MTMR14: variants seen among roughly 807,000 people sequenced by gnomAD.
MTMR14 encodes the protein phosphatidylinositol-3,5-bisphosphate 3-phosphatase MTMR14.
MTMR14 carries 48 observed loss-of-function variants against 86.3 expected under a neutral mutation model. The ratio of observed to expected loss-of-function variants is 0.56; its 90% confidence interval spans 0.44 to 0.71. The LOEUF is 0.71. MTMR14 is among the 30% of genes least tolerant of loss of function. The probability of loss-of-function intolerance (pLI) is 0.00; values close to 1 mark genes in which losing one functional copy is unlikely to be tolerated. For synonymous variants in MTMR14, 366 were observed against 326.1 expected (o/e 1.12, Z -1.32); for missense variants, 780 against 834.6 (o/e 0.93, Z 0.81).
intron 16 of MTMR14, 25 bp from the exon 17 acceptor site, chr3:9,689,939 C>G: frequency 6.2e-7 from 1 of 1,601,020 alleles, no homozygotes. Flanking sequence ...GCCCCCGGCT[C>G]ACAGCCCTGC....
At chr3:9,697,943 A>G in intron 18 of MTMR14, 77 bp downstream of exon 18, 1 of 1,596,394 alleles carries the variant, frequency 6.3e-7, no homozygotes, top group Admixed American at 1.7e-5. Flanking sequence ...AGTGCTGGGT[A>G]GGAATGAGGC....
At chr3:9,663,879 C>T (rs2048097411) in intron 3 of MTMR14, among the ~76,000 whole-genome samples, 1 of 151,090 alleles carries the variant, frequency 6.6e-6, no homozygotes, top group Admixed American at 6.6e-5. Context: ...ACCTCCACCT[C>T]CCGGGTTCAA....
chr3:9,656,875 T>A (rs575585180), intron 2 of MTMR14, among the ~76,000 whole-genome samples: 4 of 152,182 alleles, frequency 2.6e-5, no homozygotes, highest in Non-Finnish European at 5.9e-5. Context: ...CTCTGTGCCC[T>A]GATGATGACA....
intron 16 of MTMR14, among the ~76,000 whole-genome samples, 169 bp downstream of exon 16, chr3:9,689,251 G>C (rs941987493): frequency 6.6e-6 from 1 of 152,248 alleles, no homozygotes. Context: ...CAGCCATCTG[G>C]TTGGTGAAGG....
chr3:9,659,550 TCTC>T (rs2047800710), intron 2 of MTMR14: 3 of 362,810 alleles, frequency 8.3e-6, no homozygotes, highest in African/African-American at 2.1e-5. Context: ...TTCAAGCAAT[TCTC>T]CTGCCTCAGC....
intron 9 of MTMR14, among the ~76,000 whole-genome samples, chr3:9,681,214 C>T (rs2075757834): frequency 6.6e-6 from 1 of 152,180 alleles, no homozygotes; most frequent in Non-Finnish European, 1.5e-5. Context: ...GCAGTTGTGG[C>T]AGGACACATG....
intron 1 of MTMR14, among the ~76,000 whole-genome samples, chr3:9,651,323 A>G (rs932673332): frequency 1.3e-5 from 2 of 150,308 alleles, no homozygotes; most frequent in Non-Finnish European, 3.0e-5. Flanking sequence ...GGCTGGTCTC[A>G]AACTCCTAAG....
intron 12 of MTMR14, 39 bp from the exon 13 acceptor site, chr3:9,685,172 G>C (rs1252725941): frequency 6.2e-7 from 1 of 1,613,868 alleles, no homozygotes; most frequent in African/African-American, 1.3e-5. Context: ...TTGTCATCTT[G>C]GTGCTGCTGA....
chr3:9,653,691 C>A lies in MTMR14; in HGVS notation c.230C>A (p.Thr77Lys). The A allele has an allele frequency of 6.2e-7, 1 of 1,614,146 alleles. No individual in the cohort carries two copies. The highest frequency in any genetic ancestry group is 8.5e-7 in the Non-Finnish European group (1 of 1,180,042). The part of the protein sequence containing the change: ...RDYCFSVIPN[T>K]NGDICGHYPR... ...TACTGTTTCAGCGTGATTCCAAACA[C>A]GAATGGGGATATCTGTGGCCACTAT... Residue 77 changes from threonine to lysine, a missense_variant, in exon 2 of 19, where the codon ACG (threonine) becomes AAG (lysine). Transcript: ENST00000296003.
At chr3:9,693,700 C>T (rs2076202929) in intron 17 of MTMR14, among the ~76,000 whole-genome samples, 1 of 152,118 alleles carries the variant, frequency 6.6e-6, no homozygotes, top group Admixed American at 6.6e-5. Context: ...AGATAATCTG[C>T]ATATGAGTGG....
At position 9,672,740 on chromosome 3, in the gene MTMR14, C is replaced by T. The variant is rs2048639399; in HGVS notation, c.733C>T (p.Leu245Phe). 4.3e-6 allele frequency: 7 copies of T among 1,614,198 alleles called. No individual in the cohort carries two copies. Among genetic ancestry groups the T allele is most frequent in the Non-Finnish European group, 5.9e-6 (7 of 1,180,028 alleles). ...KAQRYADFTL[L>F]SIPYPGCEFF... ...CCAGCGCTATGCCGACTTCACTCTCCTCTCCATCCCGTATCCAGGTAGGGG... is the reference window on the plus strand; with the variant it reads ...CCAGCGCTATGCCGACTTCACTCTCTTCTCCATCCCGTATCCAGGTAGGGG... The change falls in exon 7 of 19, where the codon CTC becomes TTC. Residue 245 changes from leucine to phenylalanine, a missense_variant. Coordinates refer to ENST00000296003, the MANE Select transcript of MTMR14 (RefSeq NM_001077525.3).
chr3:9,670,235 C>T (rs1277922167), intron 5 of MTMR14, among the ~76,000 whole-genome samples: 6 of 152,242 alleles, frequency 3.9e-5, no homozygotes, highest in African/African-American at 1.2e-4. Flanking sequence ...GAAAGGGCAT[C>T]TTGCTATGCC....
chr3:9,667,438 A>G (rs1002404770), intron 3 of MTMR14, among the ~76,000 whole-genome samples: 3 of 151,746 alleles, frequency 2.0e-5, no homozygotes, highest in Non-Finnish European at 2.9e-5. Flanking sequence ...TGATGTGTAC[A>G]TATTTTTTTT....
chr3:9,666,132 G>T (rs1184050806), intron 3 of MTMR14, among the ~76,000 whole-genome samples: 5 of 135,768 alleles, frequency 3.7e-5, no homozygotes, highest in African/African-American at 1.2e-4. Context: ...AAAGTTTGTT[G>T]GTTTTTTTTT....
At position 9,677,538 on chromosome 3, in the gene MTMR14, C is replaced by G; in HGVS notation, c.822+151C>G. ...CCTGATTGTTTCTGTCTTCCTCTCC[C>G]TCTTCTCCTTGTATATACTTGTTAA... On this transcript the variant is annotated intron_variant, in intron 8 of 18. Coordinates refer to ENST00000296003, the MANE Select transcript of MTMR14 (RefSeq NM_001077525.3). This position sits in a 1 kb window ranked among gnomAD's most constrained non-coding sequence, Gnocchi z 4.2. 1.4e-6 allele frequency: 1 copy of G among 714,832 alleles called. No homozygotes were observed. The allele number at this position is 714,832 out of a possible 1,614,324, so 44.3% of individuals were successfully genotyped here.
intron 2 of MTMR14, among the ~76,000 whole-genome samples, chr3:9,659,313 T>G (rs2047787128): frequency 6.6e-6 from 1 of 152,196 alleles, no homozygotes; most frequent in Non-Finnish European, 1.5e-5. Flanking sequence ...TACAGAAGCC[T>G]ACATTCATCC....
rs1256643259 is a variant in MTMR14, at chr3:9,702,197, C to A, written c.*224C>A. The stretch of plus-strand genomic sequence containing the variant: ...ACCACCCCTTCTTGTCACTGTCTCC[C>A]ACCCACCCCATCTTTGCTGGGATTC... On this transcript the variant is annotated 3_prime_UTR_variant, in exon 19 of 19. Transcript: ENST00000296003. The A allele has an allele frequency of 5.0e-6, 3 of 603,722 alleles. No homozygotes were observed. The highest frequency in any genetic ancestry group is 8.9e-6 in the Non-Finnish European group (3 of 336,644). The allele number at this position is 603,722 out of a possible 1,614,324, so 37.4% of individuals were successfully genotyped here.
chr3:9,657,464 G>A (rs544511639), intron 2 of MTMR14, among the ~76,000 whole-genome samples: 24 of 152,100 alleles, frequency 1.6e-4, no homozygotes, highest in Non-Finnish European at 2.9e-4. Flanking sequence ...TATTTGTTGA[G>A]TACCTCTGTT....
intron 1 of MTMR14, among the ~76,000 whole-genome samples, chr3:9,652,833 T>C (rs142404009): frequency 2.0e-5 from 3 of 150,518 alleles, no homozygotes; most frequent in African/African-American, 7.4e-5. Flanking sequence ...CTACTAAAAA[T>C]ATGAAAATTA....
Sources: gnomAD v4.1 joint callset for allele counts (sites outside exome capture counted in the v4.1 genomes callset) on GRCh38, gnomAD v4.1.1 for gene constraint, Gnocchi (gnomAD v3.1) non-coding constraint, MANE v1.5 for transcripts, NCBI Gene and HGNC (gene_info 2026-07-23, HGNC 2026-07-21) for gene names.